The following SHANK2 variants were observed in gnomAD, a reference collection of about 807,000 sequenced individuals.
SHANK2 encodes SH3 and multiple ankyrin repeat domains protein 2.
In SHANK2, 43 loss-of-function variants were observed where a neutral mutation model predicts 133.7. The ratio of observed to expected loss-of-function variants is 0.32; its 90% CI spans 0.25 to 0.41. SHANK2 has a LOEUF of 0.41. SHANK2 is among the 10% of genes least tolerant of loss of function. SHANK2 has a pLI of 1.00. For missense variants in SHANK2, 1,994 were observed against 2,235.8 expected (o/e 0.89, Z 2.18); for synonymous variants, 1,017 against 952.8 (o/e 1.07, Z -1.24).
intron 11 of SHANK2, among the ~76,000 whole-genome samples, chr11:70,827,702 C>T (rs1445400915): frequency 7.5e-6 from 1 of 132,580 alleles, no homozygotes; most frequent in Non-Finnish European, 1.5e-5. Flanking sequence ...CACACACACA[C>T]ACACACACAC....
intron 14 of SHANK2, among the ~76,000 whole-genome samples, chr11:70,773,516 A>T (rs1306018346): frequency 1.3e-5 from 2 of 152,252 alleles, no homozygotes; most frequent in Admixed American, 1.3e-4. Flanking sequence ...TGCTGAATAT[A>T]CATTTATGCT....
intron 12 of SHANK2, among the ~76,000 whole-genome samples, chr11:70,818,485 C>T (rs915290176): frequency 6.6e-6 from 1 of 152,178 alleles, no homozygotes; most frequent in East Asian, 1.9e-4. Flanking sequence ...GGCCACGCTG[C>T]CTTTGCTGTC....
chr11:70,679,277 G>A (rs1160471754), intron 15 of SHANK2, among the ~76,000 whole-genome samples: 1 of 152,216 alleles, frequency 6.6e-6, no homozygotes, highest in Non-Finnish European at 1.5e-5. Flanking sequence ...GCTCAGAAAG[G>A]TCCAGTGAGG....
intron 6 of SHANK2, among the ~76,000 whole-genome samples, chr11:71,098,000 G>C (rs1951650674): frequency 6.6e-6 from 1 of 151,500 alleles, no homozygotes; most frequent in Non-Finnish European, 1.5e-5. Context: ...GTGCATGCCT[G>C]TGTGTGCATG....
intron 11 of SHANK2, among the ~76,000 whole-genome samples, chr11:70,831,240 C>T (rs571927267): frequency 3.3e-5 from 5 of 152,074 alleles, no homozygotes; most frequent in African/African-American, 1.2e-4. Flanking sequence ...CCTGCCCGCA[C>T]GCCCACCCAT....
intron 11 of SHANK2, among the ~76,000 whole-genome samples, chr11:70,866,612 G>A (rs1352072947): frequency 6.6e-6 from 1 of 152,144 alleles, no homozygotes; most frequent in African/African-American, 2.4e-5. Context: ...AATCCGAGGA[G>A]AGCAATTTAC....
intron 17 of SHANK2, among the ~76,000 whole-genome samples, chr11:70,642,029 G>C (rs1045041167): frequency 6.6e-6 from 1 of 152,254 alleles, no homozygotes; most frequent in African/African-American, 2.4e-5. Context: ...TGGAGAGAAG[G>C]CTACGGGGGA....
intron 14 of SHANK2, among the ~76,000 whole-genome samples, chr11:70,755,371 G>A (rs1394289402): frequency 1.3e-5 from 2 of 152,220 alleles, no homozygotes; most frequent in African/African-American, 4.8e-5. Flanking sequence ...TGCGCCCAGC[G>A]CGCAGGCAGC....
At chr11:71,240,794 A>G (rs1232671241) in intron 1 of SHANK2, 2 of 151,764 alleles carry the variant, frequency 1.3e-5, no homozygotes, top group African/African-American at 2.4e-5. Flanking sequence ...GGTGGTGTGC[A>G]CCTGTAGTCT....
chr11:70,891,944 G>A (rs1184602548), intron 11 of SHANK2, among the ~76,000 whole-genome samples: 1 of 152,208 alleles, frequency 6.6e-6, no homozygotes, highest in African/African-American at 2.4e-5. Context: ...GAAAACAACA[G>A]ATTCTGTGGG....
intron 17 of SHANK2, among the ~76,000 whole-genome samples, chr11:70,588,349 T>G (rs1289778051): frequency 6.6e-6 from 1 of 152,210 alleles, no homozygotes; most frequent in Non-Finnish European, 1.5e-5. Context: ...GAGGAAGGCA[T>G]GTCAAAAGCT....
At chr11:70,907,408 G>T (rs529224923) in intron 10 of SHANK2, among the ~76,000 whole-genome samples, 1 of 152,158 alleles carries the variant, frequency 6.6e-6, no homozygotes, top group Non-Finnish European at 1.5e-5. Context: ...CCACAGGCTT[G>T]GACGTTGGAC....
intron 17 of SHANK2, among the ~76,000 whole-genome samples, chr11:70,540,408 C>A (rs2059605123): frequency 6.6e-6 from 1 of 152,102 alleles, no homozygotes; most frequent in Admixed American, 6.6e-5. Context: ...GTGATGAAGG[C>A]AGGCTGGGGC....
intron 15 of SHANK2, among the ~76,000 whole-genome samples, chr11:70,689,935 C>T (rs1385384851): frequency 1.3e-5 from 2 of 152,174 alleles, no homozygotes; most frequent in African/African-American, 4.8e-5. Flanking sequence ...GAAGCAATGC[C>T]TGGAGAGTTT....
intron 17 of SHANK2, among the ~76,000 whole-genome samples, chr11:70,537,486 G>A (rs528660663): frequency 6.6e-6 from 1 of 152,356 alleles, no homozygotes; most frequent in Non-Finnish European, 1.5e-5. Flanking sequence ...GAGACAGGAT[G>A]CAGCCAAGCC....
Position 70,679,849 on chromosome 11 carries a change from G to A in SHANK2, c.1854-18171C>T, listed in dbSNP as rs112836602. ...GTGCCCCTCCCTCGGGACCCTGGAC[G>A]TCCACCTGCCAACAGTTGTGTGATC... On this transcript the variant is annotated intron_variant, in intron 15 of 25. Transcript: ENST00000601538. 4.5e-3 allele frequency among the ~76,000 whole-genome samples: 680 copies of A among 152,312 alleles called. 2 individuals are homozygous for A. The highest frequency in any genetic ancestry group is 0.016 in the African/African-American group (653 of 41,570).
At chr11:70,910,645 TA>T (rs1258575936) in intron 10 of SHANK2, among the ~76,000 whole-genome samples, 26 of 152,146 alleles carry the variant, frequency 1.7e-4, no homozygotes, top group African/African-American at 6.0e-4. Flanking sequence ...CTATCTCTAC[TA>T]AAAATACAAA....
At chr11:70,623,781 G>A (rs763984889) in intron 17 of SHANK2, among the ~76,000 whole-genome samples, 3 of 152,152 alleles carry the variant, frequency 2.0e-5, no homozygotes, top group African/African-American at 4.8e-5. Context: ...GTGCCATATC[G>A]AGCACATGGG....
chr11:71,166,375 C>G (rs1258321634), intron 2 of SHANK2, among the ~76,000 whole-genome samples: 1 of 152,140 alleles, frequency 6.6e-6, no homozygotes, highest in Admixed American at 6.5e-5. Context: ...CTACTTCTTT[C>G]CAGACAGCAA....
Sources: allele counts gnomAD v4.1 joint callset (sites outside exome capture counted in the v4.1 genomes callset), GRCh38; gene constraint gnomAD v4.1.1; transcripts MANE v1.5; gene names NCBI Gene and HGNC (gene_info 2026-07-23, HGNC 2026-07-21).